Variants in DAAM2 observed in about 807,000 individuals in gnomAD.
DAAM2 encodes dishevelled associated activator of morphogenesis 2.
A neutral mutation model predicts 120.7 loss-of-function variants in DAAM2; 39 were observed. The observed-to-expected ratio is 0.32, with a 90% confidence interval of 0.25 to 0.42. The LOEUF (loss-of-function observed/expected upper bound fraction) is 0.42, where lower values mean the gene tolerates loss of function less well. Among genes scored for constraint, DAAM2 ranks in the 10% least tolerant of loss-of-function variants. The pLI is 1.00. For missense variants in DAAM2, 1,283 were observed against 1,401.7 expected (o/e 0.92, Z 1.35); for synonymous variants, 488 against 524.9 (o/e 0.93, Z 0.96).
At chr6:39,899,266 A>G (rs1052664824) in intron 22 of DAAM2, among the ~76,000 whole-genome samples, 1 of 152,222 alleles carries the variant, frequency 6.6e-6, no homozygotes, top group African/African-American at 2.4e-5. Context: ...AGGGGCAGGA[A>G]GCACGCAATG....
intron 1 of DAAM2, among the ~76,000 whole-genome samples, chr6:39,833,152 C>A: frequency 6.6e-6 from 1 of 152,174 alleles, no homozygotes; most frequent in Non-Finnish European, 1.5e-5. Flanking sequence ...CTGCAAACCA[C>A]CCCCTCCTCT....
intron 1 of DAAM2, among the ~76,000 whole-genome samples, chr6:39,850,258 G>A (rs1053678426): frequency 2.6e-5 from 4 of 152,100 alleles, no homozygotes; most frequent in African/African-American, 9.7e-5. Flanking sequence ...TGCCTGGATT[G>A]CCTTTTCCCT....
chr6:39,876,238 TACTTA>T (rs1407251424), intron 11 of DAAM2, among the ~76,000 whole-genome samples: 2 of 152,262 alleles, frequency 1.3e-5, no homozygotes, highest in Non-Finnish European at 2.9e-5. Flanking sequence ...TTTAAGCTTT[TACTTA>T]ACTTTCAGTA....
At chr6:39,801,649 G>A (rs1761866780) in intron 1 of DAAM2, among the ~76,000 whole-genome samples, 1 of 152,204 alleles carries the variant, frequency 6.6e-6, no homozygotes, top group Non-Finnish European at 1.5e-5. Flanking sequence ...CCAAGCACAG[G>A]CGGTCTTTGG....
chr6:39,848,838 G>A (rs1023478808), intron 1 of DAAM2: 1 of 152,134 alleles, frequency 6.6e-6, no homozygotes, highest in Non-Finnish European at 1.5e-5. Flanking sequence ...CTGGAGACCT[G>A]GTTTGAGTTC....
At chr6:39,882,518 T>C (rs1765167339) in intron 14 of DAAM2, among the ~76,000 whole-genome samples, 1 of 152,166 alleles carries the variant, frequency 6.6e-6, no homozygotes, top group African/African-American at 2.4e-5. Context: ...TACCTCCACG[T>C]TGGTCCTAGC....
At chr6:39,881,330 C>T (rs963430658) in intron 14 of DAAM2, among the ~76,000 whole-genome samples, 4 of 152,210 alleles carry the variant, frequency 2.6e-5, no homozygotes, top group Non-Finnish European at 5.9e-5. Context: ...ACTTATCACC[C>T]CAATGCCAAG....
intron 14 of DAAM2, among the ~76,000 whole-genome samples, chr6:39,881,240 G>A (rs1441046083): frequency 2.5e-5 from 1 of 39,460 alleles, no homozygotes; most frequent in Non-Finnish European, 6.9e-5. Context: ...AGACTGGAGA[G>A]TGTGGGTTTG....
intron 1 of DAAM2, among the ~76,000 whole-genome samples, chr6:39,798,003 C>T (rs914922099): frequency 6.6e-6 from 1 of 152,224 alleles, no homozygotes; most frequent in Non-Finnish European, 1.5e-5. Context: ...TGGCTGCTTT[C>T]GTGCTGCAAT....
intron 1 of DAAM2, among the ~76,000 whole-genome samples, chr6:39,842,538 C>G (rs1763385584): frequency 6.6e-6 from 1 of 152,098 alleles, no homozygotes; most frequent in Non-Finnish European, 1.5e-5. Flanking sequence ...GAGGCTGAGG[C>G]AGGAGAATCG....
rs376832339 is a variant in DAAM2 at position 39,884,007 on chromosome 6, G to A, written c.1891G>A (p.Val631Ile). The A allele has an allele frequency of 1.7e-5, 28 of 1,613,600 alleles. No individual in the cohort carries two copies. The African/African-American group carries it at 3.3e-4, about 19-fold the overall frequency. The stretch of plus-strand genomic sequence containing the variant: ...ATGGAATGAGATTGATGACATGCAG[G>A]TATTTCGGATCCTGGACCTAGAGGA... ...TVWNEIDDMQVFRILDLEDFE... is the reference protein window; with the variant it reads ...TVWNEIDDMQIFRILDLEDFE... The change falls in exon 15 of 25, where the codon GTA (valine) becomes ATA (isoleucine). Residue 631 changes from valine (V) to isoleucine (I), a missense_variant. Physicochemically the swap from Val to Ile is conservative, Grantham distance 29 (BLOSUM62 3). Transcript: ENST00000274867.
chr6:39,856,044 T>C (rs376432224), intron 1 of DAAM2: 1 of 983,238 alleles, frequency 1.0e-6, no homozygotes, highest in South Asian at 4.7e-5. Context: ...GGGGAGGATA[T>C]GTAAATGCCT....
At chr6:39,868,733 G>A in intron 6 of DAAM2, 90 bp from the exon 7 acceptor site, 1 of 895,752 alleles carries the variant, frequency 1.1e-6, no homozygotes, top group Non-Finnish European at 1.8e-6. Context: ...GGCATTCTAG[G>A]TAGTGGAGGC....
intron 1 of DAAM2, among the ~76,000 whole-genome samples, chr6:39,855,443 A>G (rs2504104): frequency 0.61 from 92,736 of 151,202 alleles, 28,406 homozygotes; most frequent in Middle Eastern, 0.7. Flanking sequence ...TGTTCTCTGT[A>G]GTTGCCTGGT....
chr6:39,866,617 T>C (rs1036026440), intron 5 of DAAM2, among the ~76,000 whole-genome samples: 1 of 152,198 alleles, frequency 6.6e-6, no homozygotes, highest in Non-Finnish European at 1.5e-5. Context: ...GATAAAAAGA[T>C]AGGCATAACA....
intron 6 of DAAM2, chr6:39,868,405 A>G (rs1764515408): frequency 8.9e-6 from 2 of 224,112 alleles, no homozygotes. Flanking sequence ...ACATGAACTG[A>G]TGTTACAAAC....
At chr6:39,856,572 C>T (rs545890304) in intron 2 of DAAM2, 102 bp downstream of exon 2, 2 of 935,006 alleles carry the variant, frequency 2.1e-6, no homozygotes, top group East Asian at 6.6e-5. Flanking sequence ...GTCTCCATCT[C>T]TCAAAACTCC....
intron 9 of DAAM2, among the ~76,000 whole-genome samples, chr6:39,872,537 T>C (rs1764703270): frequency 6.6e-6 from 1 of 152,200 alleles, no homozygotes; most frequent in Non-Finnish European, 1.5e-5. Flanking sequence ...AACTAAATTG[T>C]ATTTTCATTT....
intron 1 of DAAM2, among the ~76,000 whole-genome samples, chr6:39,811,548 C>T (rs773997342): frequency 6.6e-6 from 1 of 152,184 alleles, no homozygotes; most frequent in East Asian, 1.9e-4. Flanking sequence ...CTCTCTGGAA[C>T]GTCTGCCTGG....
Sources: gnomAD v4.1 joint callset for allele counts (sites outside exome capture counted in the v4.1 genomes callset) on GRCh38, gnomAD v4.1.1 for gene constraint, MANE v1.5 for transcripts, NCBI Gene and HGNC (gene_info 2026-07-23, HGNC 2026-07-21) for gene names.